SH3TC1: variants seen among roughly 807,000 people sequenced by gnomAD.
SH3TC1 encodes SH3 domain and tetratricopeptide repeat-containing protein 1.
In SH3TC1, 135 loss-of-function variants were observed where a neutral mutation model predicts 117.3. The observed-to-expected ratio is 1.15, with a 90% CI of 1.00 to 1.33. The LOEUF is 1.33. SH3TC1 is among the 40% of genes most tolerant of loss of function. The pLI, the probability that SH3TC1 is intolerant of heterozygous loss-of-function variation, is 0.00. For missense variants in SH3TC1, 2,092 were observed against 1,794.3 expected, an observed-to-expected ratio of 1.17 and a Z score of -3.00; for synonymous variants, 898 against 816.9, an observed-to-expected ratio of 1.10 and a Z score of -1.69.
At chr4:8,224,904 T>A in intron 10 of SH3TC1, 1 of 472,398 alleles carries the variant, frequency 2.1e-6, no homozygotes. Context: ...TGCTAGAACA[T>A]GAGAATTCTC....
At chr4:8,189,669 CG>C (rs1478859950) in intron 1 of SH3TC1, among the ~76,000 whole-genome samples, 1 of 152,104 alleles carries the variant, frequency 6.6e-6, no homozygotes, top group Non-Finnish European at 1.5e-5. Flanking sequence ...TCAGGGCCGG[CG>C]GGGGGCAGTA....
upstream of SH3TC1, among the ~76,000 whole-genome samples, chr4:8,197,507 C>T (rs1717594343): frequency 1.3e-5 from 2 of 152,212 alleles, no homozygotes; most frequent in South Asian, 4.1e-4. Flanking sequence ...AGCTGCGGCC[C>T]CTCTGCCTGT....
At chr4:8,218,747 G>C (rs1373867712) in intron 8 of SH3TC1, among the ~76,000 whole-genome samples, 3 of 152,264 alleles carry the variant, frequency 2.0e-5, no homozygotes, top group Non-Finnish European at 2.9e-5. Context: ...GGCCGAGGTG[G>C]GCTGGCGCTG....
rs776017731 is a variant in SH3TC1, at chr4:8,228,049, C to T, written c.2355C>T (p.Arg785=). The change falls in exon 12 of 18, where the codon CGC becomes CGT. Residue 785 remains arginine (R), a synonymous_variant. Coordinates refer to ENST00000245105, the MANE Select transcript of SH3TC1 (RefSeq NM_018986.5). The part of the protein sequence containing the change: ...SLTPGTGQAL[R]GPLYTSLAQL... ...CCCCGGGCACAGGCCAGGCGCTGCGCGGCCCCCTCTACACCAGCTTGGCCC... is the reference window on the plus strand; with the variant it reads ...CCCCGGGCACAGGCCAGGCGCTGCGTGGCCCCCTCTACACCAGCTTGGCCC... 15 of 1,604,726 alleles carry T rather than the reference C, an allele frequency of 9.3e-6. No individual in the cohort carries two copies. The highest frequency in any genetic ancestry group is 6.7e-5 in the African/African-American group (5 of 74,832).
Position 8,237,645 on chromosome 4 carries a change from G to A in SH3TC1, c.3728G>A (p.Gly1243Asp). 6.2e-7 allele frequency: 1 copy of A among 1,609,008 alleles called. No individual in the cohort carries two copies. The highest frequency in any genetic ancestry group is 1.3e-5 in the African/African-American group (1 of 74,930). ...TACGTGAAGGTGTACCTGGTGCTCG[G>A]TGACATCATCTTCTACGACCTGAAG... is the stretch of plus-strand genomic sequence containing the variant. ...LYYVKVYLVL[G>D]DIIFYDLKDP... The change falls in exon 17 of 18, where the codon GGT becomes GAT. Residue 1243 changes from glycine to aspartate, a missense_variant. Transcript: ENST00000245105.
chr4:8,205,783 C>T lies in SH3TC1; in HGVS notation c.172+417C>T. On this transcript the variant is annotated intron_variant, in intron 2 of 17. Transcript: ENST00000245105. This position sits in a 1 kb window ranked among gnomAD's most constrained non-coding sequence, Gnocchi z 5.4. ...AGAGGGAAGGGCCGGGCCAGGCCAC[C>T]CTGTGGTCAGGGGCCGGGCCAGGAC... 1.6e-6 allele frequency: 1 copy of T among 629,712 alleles called. No homozygotes were observed. The highest frequency in any genetic ancestry group is 1.8e-5 in the South Asian group (1 of 55,868). The allele number at this position is 629,712 out of a possible 1,614,324, so 39.0% of individuals were successfully genotyped here. A position where few individuals can be genotyped will look rare whatever the true frequency, so the allele number is the denominator to read the frequency against.
upstream of SH3TC1, among the ~76,000 whole-genome samples, chr4:8,195,138 C>G (rs1717521311): frequency 6.6e-6 from 1 of 152,190 alleles, no homozygotes; most frequent in Non-Finnish European, 1.5e-5. Flanking sequence ...CTGGTGGCGC[C>G]ATCAGCAAGC....
chr4:8,226,249 G>A (rs185464785), intron 11 of SH3TC1, among the ~76,000 whole-genome samples: 1 of 152,198 alleles, frequency 6.6e-6, no homozygotes. Flanking sequence ...CTTTGGCTGG[G>A]AATCCACCAA....
chr4:8,195,652 C>T (rs1321364707), upstream of SH3TC1, among the ~76,000 whole-genome samples: 3 of 152,134 alleles, frequency 2.0e-5, no homozygotes, highest in Non-Finnish European at 2.9e-5. Flanking sequence ...ATGTGGAGCC[C>T]GTCTGGGGGC....
At chr4:8,212,345 G>A (rs942866560) in intron 3 of SH3TC1, among the ~76,000 whole-genome samples, 5 of 152,122 alleles carry the variant, frequency 3.3e-5, no homozygotes, top group East Asian at 1.9e-4. Context: ...CCTCTGGGGC[G>A]GAGCGCTGAG....
intron 9 of SH3TC1, among the ~76,000 whole-genome samples, chr4:8,221,228 A>G (rs968554808): frequency 1.3e-5 from 2 of 152,318 alleles, no homozygotes; most frequent in Admixed American, 6.5e-5. Context: ...GTCAACATGT[A>G]CTGAACTTAC....
At position 8,232,103 on chromosome 4, in the gene SH3TC1, G is replaced by C. The variant is rs774136233; in HGVS notation, c.3078G>C (p.Glu1026Asp). 4.3e-6 allele frequency: 7 copies of C among 1,612,464 alleles called. No homozygotes were observed. In the Admixed American group the frequency reaches 1.2e-4, roughly 27 times the overall value. Residue 1026 changes from glutamate to aspartate, a missense_variant, in exon 13 of 18, where the codon GAG (glutamate) becomes GAC (aspartate). Glu to Asp is a conservative substitution (Grantham distance 45). Transcript: ENST00000245105. ...GCAAGGTGGCCGACAAGGTGCTGGA[G>C]GGGCAGCTCCTGGAGACCATCAGCC... ...LACKVADKVL[E>D]GQLLETISQL...
Position 8,219,486 on chromosome 4 carries a change from G to A in SH3TC1, c.1068G>A (p.Gly356=). The change falls in exon 9 of 18, where the codon GGG becomes GGA. Residue 356 remains glycine (G), a synonymous_variant. Transcript: ENST00000245105. The stretch of plus-strand genomic sequence containing the variant: ...GACACGCAGCCTCGGGCCGGGTGGG[G>A]TTTGTGCGGAGCAGCCTCATCAGCA... ...VGRHAASGRV[G]FVRSSLISMQ... 1 of 1,602,902 alleles carries A rather than the reference G, an allele frequency of 6.2e-7. No individual in the cohort carries two copies. Among genetic ancestry groups the A allele is most frequent in the Non-Finnish European group, 8.5e-7 (1 of 1,172,908 alleles).
At position 8,231,700 on chromosome 4, in the gene SH3TC1, G is replaced by A. The variant is rs990834334; in HGVS notation, c.2951-276G>A. The A allele has an allele frequency of 2.2e-5, 11 of 492,208 alleles. No homozygotes were observed. In the Admixed American group the frequency reaches 3.8e-4, roughly 17 times the overall value. 30.5% of individuals were successfully genotyped at this position (492,208 alleles called of 1,614,324 possible). A position where few individuals can be genotyped will look rare whatever the true frequency, so the allele number is the denominator to read the frequency against. ...CGGGCTGAAGGCGGCCCTGGTCCTG[G>A]CCAGAGGGGCTTTGTGAAGCAGAAA... On this transcript the variant is annotated intron_variant, in intron 12 of 17. Transcript: ENST00000245105.
rs550713760 is a variant in SH3TC1 at position 8,191,747 on chromosome 4, A to G, written c.-57+9537A>G. Among the ~76,000 whole-genome samples, 5 of 152,088 alleles carry G rather than the reference A, an allele frequency of 3.3e-5. No individual in the cohort carries two copies. In the South Asian group the frequency reaches 1.0e-3, roughly 32 times the overall value. ...GAGATTTGTGCAGGTCCTTCCCCCC[A>G]TTCTTGGGTCTGAGTAGGGCTTGAT... is the stretch of plus-strand genomic sequence containing the variant. On this transcript the variant is annotated intron_variant, in intron 1 of 16. Transcript: ENST00000508641.
chr4:8,238,583 C>A (rs578235549), intron 17 of SH3TC1, among the ~76,000 whole-genome samples: 1 of 152,274 alleles, frequency 6.6e-6, no homozygotes, highest in African/African-American at 2.4e-5. Flanking sequence ...GTATCCCCCG[C>A]GGCAGGCCTG....
At chr4:8,185,703 G>A (rs1717199975) in intron 1 of SH3TC1, among the ~76,000 whole-genome samples, 1 of 152,226 alleles carries the variant, frequency 6.6e-6, no homozygotes, top group South Asian at 2.1e-4. Context: ...TGTGGCTGCA[G>A]TGTGGTTTAT....
intron 1 of SH3TC1, among the ~76,000 whole-genome samples, chr4:8,191,263 C>T (rs1578635956): frequency 6.6e-6 from 1 of 152,230 alleles, no homozygotes; most frequent in East Asian, 1.9e-4. Flanking sequence ...CCCTGGGCTC[C>T]AGGCTGACGC....
chr4:8,229,230 G>A (rs1578729685), intron 12 of SH3TC1: 1 of 152,032 alleles, frequency 6.6e-6, no homozygotes, highest in East Asian at 1.9e-4. Context: ...GGGAAAGTGA[G>A]CTTCAGGCCA....
Sources: gnomAD v4.1 joint callset for allele counts (sites outside exome capture counted in the v4.1 genomes callset) on GRCh38, gnomAD v4.1.1 for gene constraint, Gnocchi (gnomAD v3.1) non-coding constraint, MANE v1.5 for transcripts, NCBI Gene and HGNC (gene_info 2026-07-23, HGNC 2026-07-21) for gene names.